PKHD1: variants seen among roughly 807,000 people sequenced by gnomAD.
The protein encoded by PKHD1 is fibrocystin.
PKHD1 carries 291 observed loss-of-function variants against 412.0 expected under a neutral mutation model. That is an observed-to-expected ratio of 0.71 (90% confidence interval 0.64 to 0.78). The LOEUF (loss-of-function observed/expected upper bound fraction) is 0.78. Ranked by LOEUF, PKHD1 falls within the 30% of genes least tolerant of loss-of-function variation. The pLI is 0.00. For synonymous variants in PKHD1, 1,777 were observed against 1,821.5 expected (o/e 0.98, Z 0.62); for missense variants, 4,825 against 4,950.7 (o/e 0.97, Z 0.76).
intron 52 of PKHD1, among the ~76,000 whole-genome samples, chr6:51,804,852 T>C (rs993277216): frequency 1.3e-5 from 2 of 152,106 alleles, no homozygotes; most frequent in Non-Finnish European, 2.9e-5. Context: ...CCAGTCAGAA[T>C]GGCTATTATT....
At chr6:51,742,698 C>CA (rs1312550936) in intron 60 of PKHD1, among the ~76,000 whole-genome samples, 10 of 147,586 alleles carry the variant, frequency 6.8e-5, no homozygotes, top group South Asian at 2.2e-4. Flanking sequence ...CAGTGAACAA[C>CA]AAAAAAAAAA....
chr6:52,016,101 T>C (rs1440413257), intron 34 of PKHD1, among the ~76,000 whole-genome samples: 2 of 152,124 alleles, frequency 1.3e-5, no homozygotes, highest in Non-Finnish European at 2.9e-5. Context: ...TGAAATCCAG[T>C]CTCACCTGAG....
At position 51,757,331 on chromosome 6, in the gene PKHD1, G is replaced by A. The variant is rs146684154; in HGVS notation, c.8643-2393C>T. Among the ~76,000 whole-genome samples the A allele has an allele frequency of 7.9e-3, 1,199 of 152,096 alleles. 2 individuals are homozygous for A. The highest frequency in any genetic ancestry group is 0.013 in the Non-Finnish European group (852 of 68,002). ...TAATACTATGGGAGTACATATACAC[G>A]ATCACACATTTGTAAAAATCCATAG... On this transcript the variant is annotated intron_variant, in intron 55 of 66. Transcript: ENST00000371117.
At chr6:51,988,827 T>C (rs1467192477) in intron 35 of PKHD1, among the ~76,000 whole-genome samples, 2 of 152,160 alleles carry the variant, frequency 1.3e-5, no homozygotes. Flanking sequence ...ACCCAAGTCT[T>C]CCAGCATCAA....
intron 60 of PKHD1, among the ~76,000 whole-genome samples, chr6:51,707,336 A>G (rs960568295): frequency 5.9e-5 from 9 of 152,126 alleles, no homozygotes; most frequent in African/African-American, 2.2e-4. Context: ...ACTTTTTGCA[A>G]CTGTGAACAA....
chr6:52,025,401 C>T lies in PKHD1; in HGVS notation c.4409G>A (p.Ser1470Asn). The change falls in exon 32 of 67, where the codon AGC becomes AAC. Residue 1470 changes from serine (S) to asparagine (N), a missense_variant. Ser to Asn is a conservative substitution (Grantham distance 46). Coordinates refer to ENST00000371117, the MANE Select transcript of PKHD1 (RefSeq NM_138694.4). ...AAGAGTGCAATTCCCCTGACACTCG[C>T]TGGTTAGCCCATTGACCAGGACTGT... The part of the protein sequence containing the change: ...NVTVLVNGLT[S>N]ECQGNCTLFI... 6.2e-7 allele frequency: 1 copy of T among 1,610,386 alleles called. No individual in the cohort carries two copies.
intron 35 of PKHD1, among the ~76,000 whole-genome samples, chr6:51,965,691 C>T (rs551368050): frequency 5.3e-5 from 8 of 151,912 alleles, no homozygotes; most frequent in Non-Finnish European, 1.2e-4. Context: ...GTCAGAGATT[C>T]CTGCCCAGTT....
intron 35 of PKHD1, among the ~76,000 whole-genome samples, chr6:51,986,367 A>G (rs1796220209): frequency 6.6e-6 from 1 of 152,220 alleles, no homozygotes; most frequent in Non-Finnish European, 1.5e-5. Flanking sequence ...TATATCTATT[A>G]AAATTTTGTT....
chr6:52,084,086 G>A lies in PKHD1; in HGVS notation c.52+796C>T, dbSNP rs555056172. ...CCCTCCATCTTTGAAGATGTTCCTGGACAAGTCTTGATGAAGGAAAGGCCA... is the reference window on the plus strand; with the variant it reads ...CCCTCCATCTTTGAAGATGTTCCTGAACAAGTCTTGATGAAGGAAAGGCCA... On this transcript the variant is annotated intron_variant, in intron 2 of 66. Transcript: ENST00000371117. Among the ~76,000 whole-genome samples, 8 of 152,266 alleles carry A rather than the reference G, an allele frequency of 5.3e-5. No individual in the cohort carries two copies. The East Asian group carries it at 1.4e-3, about 26-fold the overall frequency.
intron 60 of PKHD1, among the ~76,000 whole-genome samples, chr6:51,670,586 C>G (rs573724230): frequency 6.6e-6 from 1 of 151,494 alleles, no homozygotes; most frequent in African/African-American, 2.4e-5. Context: ...TTGATCCTGT[C>G]ATTATGATGT....
At chr6:51,708,963 T>C (rs1487737132) in intron 60 of PKHD1, among the ~76,000 whole-genome samples, 1 of 152,214 alleles carries the variant, frequency 6.6e-6, no homozygotes, top group African/African-American at 2.4e-5. Flanking sequence ...AGACCATTTA[T>C]GGCCCTTCTA....
chr6:52,065,156 T>TAGAGAGAG (rs1279136631), intron 12 of PKHD1, 106 bp from the exon 13 acceptor site: 8 of 76,170 alleles, frequency 1.1e-4, no homozygotes, highest in Admixed American at 6.5e-4. Flanking sequence ...TATATATATA[T>TAGAGAGAG]ATATATATAT....
At chr6:52,083,900 A>G (rs1220474035) in intron 2 of PKHD1, among the ~76,000 whole-genome samples, 1 of 152,074 alleles carries the variant, frequency 6.6e-6, no homozygotes, top group Admixed American at 6.5e-5. Flanking sequence ...ATACAAAATT[A>G]TCTAGATTCT....
At chr6:51,923,473 A>G (rs1785024165) in intron 37 of PKHD1, among the ~76,000 whole-genome samples, 1 of 151,798 alleles carries the variant, frequency 6.6e-6, no homozygotes, top group Non-Finnish European at 1.5e-5. Flanking sequence ...CATGGCTCAT[A>G]GTTTGCTGAC....
intron 60 of PKHD1, among the ~76,000 whole-genome samples, chr6:51,673,510 T>C (rs1430632189): frequency 6.6e-6 from 1 of 152,228 alleles, no homozygotes; most frequent in Admixed American, 6.5e-5. Flanking sequence ...TGCCGGTTCT[T>C]TGCATAGTCT....
At chr6:51,712,270 GGT>G (rs1780749328) in intron 60 of PKHD1, among the ~76,000 whole-genome samples, 1 of 151,864 alleles carries the variant, frequency 6.6e-6, no homozygotes, top group African/African-American at 2.4e-5. Context: ...TTTTCTTCTT[GGT>G]AAGAGCCTTA....
chr6:51,871,068 C>T (rs1364534608), intron 46 of PKHD1, among the ~76,000 whole-genome samples: 1 of 152,088 alleles, frequency 6.6e-6, no homozygotes, highest in East Asian at 1.9e-4. Flanking sequence ...TAAAACTCTC[C>T]TGTTTCTAGT....
chr6:51,827,800 G>T (rs1424909068), intron 52 of PKHD1, among the ~76,000 whole-genome samples: 1 of 152,108 alleles, frequency 6.6e-6, no homozygotes, highest in Non-Finnish European at 1.5e-5. Flanking sequence ...ACTGTGCCTT[G>T]AACAGAGTGA....
At chr6:51,862,469 G>GTT (rs1296136913) in intron 48 of PKHD1, among the ~76,000 whole-genome samples, 1 of 152,180 alleles carries the variant, frequency 6.6e-6, no homozygotes, top group African/African-American at 2.4e-5. Context: ...TCACAGGGTT[G>GTT]TTTTTTAAGG....
Sources: allele counts gnomAD v4.1 joint callset (sites outside exome capture counted in the v4.1 genomes callset), GRCh38; gene constraint gnomAD v4.1.1; transcripts MANE v1.5; gene names NCBI Gene and HGNC (gene_info 2026-07-23, HGNC 2026-07-21).